BIRC6: variants seen among roughly 807,000 people sequenced by gnomAD.
BIRC6 encodes baculoviral IAP repeat containing 6, also known as dual E2 ubiquitin-conjugating enzyme/E3 ubiquitin-protein ligase BIRC6.
Under a neutral mutation model 503.3 loss-of-function variants are expected in BIRC6, and 98 were observed. That is an observed-to-expected ratio of 0.19 (90% CI 0.17 to 0.23). The LOEUF (loss-of-function observed/expected upper bound fraction) is 0.23. Ranked by LOEUF, BIRC6 falls within the 10% of genes least tolerant of loss-of-function variation. BIRC6 has a pLI of 1.00. For synonymous variants in BIRC6, 2,240 were observed against 2,078.7 expected (o/e 1.08, Z -2.11); for missense variants, 5,360 against 5,806.0 (o/e 0.92, Z 2.50).
chr2:32,525,109 G>T (rs985151735), intron 58 of BIRC6, 90 bp downstream of exon 58: 2 of 1,124,328 alleles, frequency 1.8e-6, no homozygotes, highest in Admixed American at 3.6e-5. Flanking sequence ...GTAATACATT[G>T]TACTAATATA....
At chr2:32,579,229 A>AG (rs2060501929) in intron 66 of BIRC6, among the ~76,000 whole-genome samples, 1 of 151,802 alleles carries the variant, frequency 6.6e-6, no homozygotes, top group South Asian at 2.1e-4. Flanking sequence ...TTAAAGAAAA[A>AG]GGTCAAGTGT....
intron 65 of BIRC6, among the ~76,000 whole-genome samples, chr2:32,556,598 G>A (rs553625911): frequency 2.0e-3 from 305 of 151,960 alleles, no homozygotes; most frequent in African/African-American, 6.8e-3. Flanking sequence ...TTGTATTTCC[G>A]CTATATAATT....
chr2:32,433,922 C>A, intron 13 of BIRC6, 118 bp downstream of exon 13: 1 of 810,452 alleles, frequency 1.2e-6, no homozygotes, highest in Non-Finnish European at 1.8e-6. Flanking sequence ...CATTTGCCTG[C>A]TTTACTTTTT....
At position 32,461,448 on chromosome 2, in the gene BIRC6, C is replaced by T. The variant is rs1034231827; in HGVS notation, c.4754-1746C>T. 2.6e-5 allele frequency among the ~76,000 whole-genome samples: 4 copies of T among 151,088 alleles called. 1 individual carries two copies. Among genetic ancestry groups the T allele is most frequent in the Admixed American group, 2.6e-4 (4 of 15,204 alleles). On this transcript the variant is annotated intron_variant, in intron 23 of 73. Transcript: ENST00000421745. The stretch of plus-strand genomic sequence containing the variant: ...CTTGAACTACTTACCTCAAGTGATC[C>T]ACCTACCTCAGCCTCCCAAAGTGTT...
chr2:32,400,527 C>T (rs1227270244), intron 6 of BIRC6, among the ~76,000 whole-genome samples: 1 of 151,760 alleles, frequency 6.6e-6, no homozygotes, highest in Non-Finnish European at 1.5e-5. Context: ...TTAGTAGAGA[C>T]GGGGTTTCAC....
chr2:32,482,197 A>T (rs188167845), intron 38 of BIRC6, among the ~76,000 whole-genome samples: 1 of 152,326 alleles, frequency 6.6e-6, no homozygotes, highest in East Asian at 1.9e-4. Context: ...TTTATTAGGG[A>T]TGCTACTTTC....
At chr2:32,376,078 C>G (rs537747019) in intron 1 of BIRC6, among the ~76,000 whole-genome samples, 1 of 150,264 alleles carries the variant, frequency 6.7e-6, no homozygotes, top group Non-Finnish European at 1.5e-5. Context: ...CCCAGCTACT[C>G]GGGAGGCTGA....
intron 65 of BIRC6, among the ~76,000 whole-genome samples, chr2:32,571,886 C>A (rs2059938147): frequency 6.6e-6 from 1 of 152,166 alleles, no homozygotes; most frequent in Admixed American, 6.6e-5. Context: ...TCTCTTTGCA[C>A]TGCATTTGCT....
At position 32,515,786 on chromosome 2, in the gene BIRC6, A is replaced by G. The variant is rs2054963567; in HGVS notation, c.11349+16A>G. On this transcript the variant is annotated intron_variant, in intron 55 of 73. Transcript: ENST00000421745. ...GATGGCACAGGTAAGACAAAAAAAT[A>G]ACTTACATTTTAGTTGTTTTATTAC... is the stretch of plus-strand genomic sequence containing the variant. The G allele has an allele frequency of 3.2e-6, 5 of 1,574,516 alleles. No individual in the cohort carries two copies. In the East Asian group the frequency reaches 1.1e-4, roughly 35 times the overall value.
chr2:32,617,647 T>G, intron 73 of BIRC6, 78 bp from the exon 74 acceptor site: 10 of 1,429,218 alleles, frequency 7.0e-6, no homozygotes, highest in Non-Finnish European at 9.4e-6. Flanking sequence ...TGGGCTTTGT[T>G]GAAATTCAGT....
intron 10 of BIRC6, among the ~76,000 whole-genome samples, chr2:32,424,798 C>T (rs1164605782): frequency 1.3e-5 from 2 of 152,172 alleles, no homozygotes; most frequent in South Asian, 2.1e-4. Flanking sequence ...CAGGTGTGAG[C>T]CACCGCGTCT....
chr2:32,504,028 G>T (rs1448634104), intron 49 of BIRC6, among the ~76,000 whole-genome samples: 5 of 121,836 alleles, frequency 4.1e-5, no homozygotes, highest in African/African-American at 1.3e-4. Flanking sequence ...GGGGGTGGGG[G>T]GGTGTTTGTG....
At chr2:32,427,748 G>A (rs539794513) in intron 10 of BIRC6, among the ~76,000 whole-genome samples, 2 of 152,250 alleles carry the variant, frequency 1.3e-5, no homozygotes, top group South Asian at 2.1e-4. Flanking sequence ...AGGTGTGTGT[G>A]TGTGTGTGTG....
Position 32,518,312 on chromosome 2 carries a change from A to T in BIRC6, c.11408A>T (p.Asn3803Ile), listed in dbSNP as rs1330799777. 1 of 1,612,922 alleles carries T rather than the reference A, an allele frequency of 6.2e-7. No individual in the cohort carries two copies. Among genetic ancestry groups the T allele is most frequent in the East Asian group, 2.2e-5 (1 of 44,804 alleles). The change falls in exon 56 of 74, where the codon AAC (asparagine) becomes ATC (isoleucine). Residue 3803 changes from asparagine to isoleucine, a missense_variant. Physicochemically the swap from Asn to Ile is moderately radical, Grantham distance 149. This residue lies in a region of BIRC6 where 878 missense variants were observed against 928.9 expected (regional missense o/e 0.95). Transcript: ENST00000421745. ...AGAGGGAACCTTCCAACATCTGGGA[A>T]CATTTCAGGGTTTATACGAAGATTA... ...PQRGNLPTSG[N>I]ISGFIRRLFL...
intron 37 of BIRC6, among the ~76,000 whole-genome samples, chr2:32,479,865 A>G (rs1386789716): frequency 1.3e-5 from 2 of 152,214 alleles, no homozygotes; most frequent in Admixed American, 6.5e-5. Context: ...AGAAAATGCA[A>G]TGTAGAAAAC....
At chr2:32,402,805 C>G (rs934912739) in intron 8 of BIRC6, among the ~76,000 whole-genome samples, 2 of 152,080 alleles carry the variant, frequency 1.3e-5, no homozygotes, top group African/African-American at 4.8e-5. Context: ...ATATGTCCTT[C>G]TAGGCACTTA....
At chr2:32,583,888 G>C (rs554242103) in intron 66 of BIRC6, among the ~76,000 whole-genome samples, 4 of 151,968 alleles carry the variant, frequency 2.6e-5, no homozygotes, top group Non-Finnish European at 4.4e-5. Context: ...CCGCCACCAC[G>C]CCCGGCTAAT....
At position 32,553,535 on chromosome 2, in the gene BIRC6, C is replaced by G. The variant is rs138701553; in HGVS notation, c.13144+4054C>G. On this transcript the variant is annotated intron_variant, in intron 65 of 73. Coordinates refer to ENST00000421745, the MANE Select transcript of BIRC6 (RefSeq NM_016252.4). ...CCCGAGTAGCTGGGACTGCAGGCAC[C>G]CGCCACCCACCCTGCTAATTTTTTT... 7.3e-3 allele frequency among the ~76,000 whole-genome samples: 1,104 copies of G among 151,890 alleles called. 7 individuals carry two copies. Among genetic ancestry groups the G allele is most frequent in the Middle Eastern group, 0.02 (6 of 294 alleles).
intron 1 of BIRC6, among the ~76,000 whole-genome samples, chr2:32,360,796 T>C (rs1240254315): frequency 6.6e-6 from 1 of 152,232 alleles, no homozygotes; most frequent in Non-Finnish European, 1.5e-5. Flanking sequence ...TTTGTAAATA[T>C]ATGAGGTCTG....
Sources: allele counts gnomAD v4.1 joint callset (sites outside exome capture counted in the v4.1 genomes callset), GRCh38; gene constraint gnomAD v4.1.1; regional missense constraint gnomAD v4.1.1; transcripts MANE v1.5; gene names NCBI Gene and HGNC (gene_info 2026-07-23, HGNC 2026-07-21).